Variants in FMN1 observed in about 807,000 individuals in gnomAD.
FMN1 encodes formin 1, also known as formin-1.
A neutral mutation model predicts 132.4 loss-of-function variants in FMN1; 110 were observed. The ratio of observed to expected loss-of-function variants is 0.83; its 90% CI spans 0.71 to 0.97. The LOEUF is 0.97. Among genes scored for constraint, FMN1 ranks in the 50% least tolerant of loss-of-function variants. The pLI is 0.00. For missense variants in FMN1, 1,792 were observed against 1,705.3 expected (o/e 1.05, Z -0.90); for synonymous variants, 722 against 651.7 (o/e 1.11, Z -1.64).
At chr15:33,128,839 G>A (rs12909746) in intron 4 of FMN1, among the ~76,000 whole-genome samples, 16,656 of 152,152 alleles carry the variant, frequency 0.11, 976 homozygotes, top group Middle Eastern at 0.17. Context: ...CCGCAATGCG[G>A]AAGACAACCG....
At chr15:33,068,326 T>C (rs1371971231) in intron 5 of FMN1, among the ~76,000 whole-genome samples, 1 of 152,176 alleles carries the variant, frequency 6.6e-6, no homozygotes, top group Non-Finnish European at 1.5e-5. Context: ...GGTGAGCAAG[T>C]GAAGGCTTCT....
intron 16 of FMN1, among the ~76,000 whole-genome samples, chr15:32,861,486 T>C (rs1404319606): frequency 6.6e-6 from 1 of 152,236 alleles, no homozygotes; most frequent in Non-Finnish European, 1.5e-5. Context: ...GTGGCTTGTT[T>C]TTCTCATCTG....
intron 6 of FMN1, among the ~76,000 whole-genome samples, chr15:33,022,808 T>C (rs978738167): frequency 1.3e-5 from 2 of 152,006 alleles, no homozygotes; most frequent in Non-Finnish European, 2.9e-5. Context: ...CCCAGACTTG[T>C]TGCCTAGAAA....
rs143959750 is a variant in FMN1, at chr15:33,088,540, T to C, written c.2043+259A>G. On this transcript the variant is annotated intron_variant, in intron 5 of 20. Coordinates refer to ENST00000616417, the MANE Select transcript of FMN1 (RefSeq NM_001277313.2). Reference sequence around the variant, plus strand: ...CAATGAGAGATCTAGGCTGCAAAGCTAATGAACAGAGCGCTCTGAGAACAC... The same window carrying C: ...CAATGAGAGATCTAGGCTGCAAAGCCAATGAACAGAGCGCTCTGAGAACAC... Among the ~76,000 whole-genome samples, 544 of 152,310 alleles carry C rather than the reference T, an allele frequency of 3.6e-3. 3 individuals carry two copies. The highest frequency in any genetic ancestry group is 0.012 in the African/African-American group (508 of 41,560).
At chr15:33,129,942 G>A (rs965030804) in intron 4 of FMN1, among the ~76,000 whole-genome samples, 4 of 151,986 alleles carry the variant, frequency 2.6e-5, no homozygotes, top group Admixed American at 6.6e-5. Context: ...ACAGGCACAC[G>A]CCAACATGCC....
intron 6 of FMN1, among the ~76,000 whole-genome samples, chr15:33,058,204 G>A (rs2037323208): frequency 6.6e-6 from 1 of 152,200 alleles, no homozygotes; most frequent in African/African-American, 2.4e-5. Context: ...GGCAATAGAT[G>A]GAGATTTGCA....
In FMN1 at chr15:32,804,308, T is replaced by G. The variant is rs2057583489; in HGVS notation, c.3953A>C (p.Glu1318Ala). 6.4e-7 allele frequency: 1 copy of G among 1,568,040 alleles called. No individual in the cohort carries two copies. The highest frequency in any genetic ancestry group is 8.7e-7 in the Non-Finnish European group (1 of 1,155,180). The change falls in exon 18 of 21, where the codon GAA (glutamate) becomes GCA (alanine). Residue 1318 changes from glutamate to alanine, a missense_variant. Coordinates refer to ENST00000616417, the MANE Select transcript of FMN1 (RefSeq NM_001277313.2). ...QKAKKEHKME[E>A]SHLENAQKSF... ...TTTCTGTGCATTCTCCAAGTGACTT[T>G]CTTCCATCTTATGCTCTTTTTTGGC...
At chr15:32,781,722 A>C (rs2056670462) in intron 19 of FMN1, among the ~76,000 whole-genome samples, 1 of 152,214 alleles carries the variant, frequency 6.6e-6, no homozygotes, top group Non-Finnish European at 1.5e-5. Context: ...TGCTGGTTTA[A>C]TTAGCTGAGT....
chr15:32,911,079 T>C (rs1216951300), intron 10 of FMN1, among the ~76,000 whole-genome samples: 1 of 152,242 alleles, frequency 6.6e-6, no homozygotes, highest in Admixed American at 6.5e-5. Flanking sequence ...ATTAAGATTA[T>C]GGAAACCTCC....
chr15:32,798,527 T>C (rs1277776404), intron 19 of FMN1, among the ~76,000 whole-genome samples: 2 of 152,226 alleles, frequency 1.3e-5, no homozygotes, highest in Non-Finnish European at 2.9e-5. Flanking sequence ...AAGCAATCTG[T>C]TGCAAATTAG....
chr15:33,074,370 C>CT (rs1476284480), intron 5 of FMN1, among the ~76,000 whole-genome samples: 1 of 152,230 alleles, frequency 6.6e-6, no homozygotes. Flanking sequence ...TGTGGCGTTC[C>CT]TCTGCCAATG....
At chr15:32,944,873 C>T (rs4577051) in intron 9 of FMN1, among the ~76,000 whole-genome samples, 4 of 152,082 alleles carry the variant, frequency 2.6e-5, no homozygotes, top group African/African-American at 9.7e-5. Flanking sequence ...ATGCTTTTTC[C>T]TATTGATCAT....
In FMN1 at chr15:32,980,410, T is replaced by C. The variant is rs572444355; in HGVS notation, c.2224-10933A>G. ...AAACTTGCTTTATATATCTGGGTTTTATTTTCTTTACAAACCAGGTTTTCT... is the reference window on the plus strand; with the variant it reads ...AAACTTGCTTTATATATCTGGGTTTCATTTTCTTTACAAACCAGGTTTTCT... On this transcript the variant is annotated intron_variant, in intron 7 of 20. Transcript: ENST00000616417. Among the ~76,000 whole-genome samples the C allele has an allele frequency of 3.9e-5, 6 of 152,320 alleles. No individual in the cohort carries two copies. In the South Asian group the frequency reaches 1.2e-3, roughly 32 times the overall value.
intron 17 of FMN1, among the ~76,000 whole-genome samples, chr15:32,829,912 T>C (rs905952902): frequency 4.6e-5 from 7 of 152,166 alleles, no homozygotes; most frequent in Non-Finnish European, 1.0e-4. Flanking sequence ...GGGACACATT[T>C]CTCCCACGTG....
chr15:33,071,598 C>T (rs548132161), intron 5 of FMN1, among the ~76,000 whole-genome samples: 2 of 152,190 alleles, frequency 1.3e-5, no homozygotes, highest in Non-Finnish European at 2.9e-5. Context: ...CCCCCAGGTT[C>T]AGTCTAATAG....
At chr15:32,953,260 C>T (rs532373110) in intron 9 of FMN1, among the ~76,000 whole-genome samples, 24 of 152,312 alleles carry the variant, frequency 1.6e-4, no homozygotes, top group African/African-American at 5.3e-4. Flanking sequence ...CATAACATGA[C>T]GACACACATG....
intron 6 of FMN1, chr15:33,064,688 T>C (rs1396541847): frequency 8.0e-6 from 2 of 248,680 alleles, no homozygotes; most frequent in Non-Finnish European, 1.5e-5. Flanking sequence ...ATTTGCAATC[T>C]ACCTTCTCCA....
chr15:33,018,302 TAACTGG>T (rs1250478691), intron 6 of FMN1, among the ~76,000 whole-genome samples: 1 of 152,008 alleles, frequency 6.6e-6, no homozygotes, highest in Non-Finnish European at 1.5e-5. Context: ...GATCGACCAA[TAACTGG>T]AAGCCTTTAG....
intron 4 of FMN1, among the ~76,000 whole-genome samples, chr15:33,115,311 G>A (rs755948752): frequency 3.3e-5 from 5 of 152,258 alleles, no homozygotes; most frequent in East Asian, 1.9e-4. Context: ...ATACTTGAAG[G>A]ATGAATAAAA....
Sources: gnomAD v4.1 joint callset for allele counts (sites outside exome capture counted in the v4.1 genomes callset) on GRCh38, gnomAD v4.1.1 for gene constraint, MANE v1.5 for transcripts, NCBI Gene and HGNC (gene_info 2026-07-23, HGNC 2026-07-21) for gene names.